The following COLEC10 variants were observed in gnomAD, a reference collection of about 807,000 sequenced individuals.
The protein encoded by COLEC10 is collectin-10.
COLEC10 carries 22 observed loss-of-function variants against 28.4 expected under a neutral mutation model. That is an observed-to-expected ratio of 0.78 (90% CI 0.55 to 1.11). The LOEUF (loss-of-function observed/expected upper bound fraction) is 1.11. COLEC10 is among the 50% of genes least tolerant of loss of function. The pLI is 0.00. For missense variants in COLEC10, 361 were observed against 344.1 expected (o/e 1.05, Z -0.39); for synonymous variants, 125 against 116.1 (o/e 1.08, Z -0.49).
rs182757123 is a variant in COLEC10, at chr8:119,001,307, A to G, written n.122+5734A>G. On this transcript the variant is annotated intron_variant and non_coding_transcript_variant, in intron 1 of 6. Transcript: ENST00000521788. ...CAAAAGGCTGGTATTTTGGCTGGTGATCAAGAAAATGGTGTTCTGAAGCAA... is the reference window on the plus strand; with the variant it reads ...CAAAAGGCTGGTATTTTGGCTGGTGGTCAAGAAAATGGTGTTCTGAAGCAA... 2.3e-3 allele frequency among the ~76,000 whole-genome samples: 352 copies of G among 152,282 alleles called. 8 individuals are homozygous for G. Among genetic ancestry groups the G allele is most frequent in the Admixed American group, 0.022 (333 of 15,286 alleles).
chr8:119,012,334 T>C (rs1012024135), intron 2 of COLEC10, among the ~76,000 whole-genome samples: 3 of 150,710 alleles, frequency 2.0e-5, no homozygotes, highest in African/African-American at 7.4e-5. Context: ...GGTTATGGTG[T>C]ATCATTCTTT....
intron 2 of COLEC10, among the ~76,000 whole-genome samples, chr8:119,049,991 G>A (rs16891910): frequency 6.6e-6 from 1 of 152,110 alleles, no homozygotes; most frequent in Non-Finnish European, 1.5e-5. Flanking sequence ...GAAGTTGATT[G>A]CCTGTTCTCA....
intron 2 of COLEC10, 70 bp downstream of exon 2, chr8:119,089,821 C>G (rs1815553873): frequency 7.6e-7 from 1 of 1,321,444 alleles, no homozygotes; most frequent in Non-Finnish European, 1.1e-6. Flanking sequence ...GGCCCTTGCC[C>G]TGGAAATTAG....
At chr8:119,031,479 C>T (rs1814286797) in intron 2 of COLEC10, among the ~76,000 whole-genome samples, 1 of 152,166 alleles carries the variant, frequency 6.6e-6, no homozygotes, top group Non-Finnish European at 1.5e-5. Context: ...GGTGGTAGAA[C>T]CTGGGCTGAG....
intron 2 of COLEC10, among the ~76,000 whole-genome samples, chr8:119,027,371 C>G (rs1458932571): frequency 6.6e-6 from 1 of 152,158 alleles, no homozygotes; most frequent in African/African-American, 2.4e-5. Flanking sequence ...CCTCTCTAGT[C>G]TCAATGATAT....
At chr8:118,958,916 C>A in the COLEC10 span, among the ~76,000 whole-genome samples, 3 of 152,204 alleles carry the variant, frequency 2.0e-5, no homozygotes, top group East Asian at 5.8e-4. Flanking sequence ...GTACCCTCAA[C>A]AGCTCAGATC....
chr8:119,071,517 A>T (rs1815125207), intron 1 of COLEC10, among the ~76,000 whole-genome samples: 1 of 152,140 alleles, frequency 6.6e-6, no homozygotes, highest in Non-Finnish European at 1.5e-5. Flanking sequence ...CTTCCCAAGG[A>T]TAGTTCCTTC....
At chr8:119,025,967 C>A (rs1189090309) in intron 2 of COLEC10, among the ~76,000 whole-genome samples, 2 of 152,132 alleles carry the variant, frequency 1.3e-5, no homozygotes, top group Non-Finnish European at 2.9e-5. Flanking sequence ...TTCCTATCAC[C>A]AAAGCCGTTG....
At chr8:119,008,444 C>T (rs1301052549) in intron 1 of COLEC10, among the ~76,000 whole-genome samples, 2 of 149,738 alleles carry the variant, frequency 1.3e-5, no homozygotes, top group Non-Finnish European at 2.9e-5. Flanking sequence ...TCTAAGTTGA[C>T]AGAATCATCA....
At chr8:119,020,012 C>T (rs1247069269) in intron 2 of COLEC10, among the ~76,000 whole-genome samples, 1 of 152,212 alleles carries the variant, frequency 6.6e-6, no homozygotes, top group African/African-American at 2.4e-5. Flanking sequence ...AGGTCCAGAT[C>T]ATGCATCGTC....
rs1170327377 is a variant in COLEC10 at position 119,076,195 on chromosome 8, G to C, written c.148+8766G>C. Among the ~76,000 whole-genome samples the C allele has an allele frequency of 6.0e-5, 9 of 150,358 alleles. No individual in the cohort carries two copies. In the East Asian group the frequency reaches 1.4e-3, roughly 23 times the overall value. ...CAAAGTGCTGGGATTACAGGAGTGA[G>C]CCACCACATCCAGCCAATCAGCCAT... On this transcript the variant is annotated intron_variant, in intron 1 of 5. Transcript: ENST00000332843.
chr8:119,082,420 G>T (rs60500791), intron 1 of COLEC10, among the ~76,000 whole-genome samples: 2,694 of 152,232 alleles, frequency 0.018, 71 homozygotes, highest in African/African-American at 0.061. Flanking sequence ...CTTTTATTTT[G>T]AAAACAATTA....
intron 2 of COLEC10, among the ~76,000 whole-genome samples, chr8:119,022,986 T>G (rs1222341412): frequency 1.3e-5 from 2 of 152,088 alleles, no homozygotes; most frequent in Non-Finnish European, 2.9e-5. Context: ...TTGGAGAGTC[T>G]TTGCACTGCT....
the COLEC10 span, among the ~76,000 whole-genome samples, chr8:118,966,765 C>T: frequency 6.6e-6 from 1 of 151,990 alleles, no homozygotes; most frequent in Non-Finnish European, 1.5e-5. Context: ...TACTCTTCAG[C>T]TCCACTTCAT....
At chr8:118,966,288 A>C in the COLEC10 span, among the ~76,000 whole-genome samples, 14 of 152,326 alleles carry the variant, frequency 9.2e-5, no homozygotes, top group Non-Finnish European at 1.6e-4. Flanking sequence ...TAAAAAATCA[A>C]CTATATACAA....
In COLEC10 at chr8:119,013,909, T is replaced by C. The variant is rs566056258; in HGVS notation, n.235+4356T>C. Among the ~76,000 whole-genome samples the C allele has an allele frequency of 4.6e-5, 7 of 150,860 alleles. No homozygotes were observed. The South Asian group carries it at 1.4e-3, about 31-fold the overall frequency. Reference sequence around the variant, plus strand: ...ACTTACAACTAATCCAAGCCCATTTTAAAGCAATAATGTATTGTTTCACAC... The same window carrying C: ...ACTTACAACTAATCCAAGCCCATTTCAAAGCAATAATGTATTGTTTCACAC... On this transcript the variant is annotated intron_variant and non_coding_transcript_variant, in intron 2 of 6. Coordinates refer to the COLEC10 transcript ENST00000521788.
chr8:119,046,448 A>C (rs1220974057), intron 2 of COLEC10, among the ~76,000 whole-genome samples: 1 of 152,192 alleles, frequency 6.6e-6, no homozygotes, highest in African/African-American at 2.4e-5. Flanking sequence ...CTCTTGCAGT[A>C]AGACTATGAT....
At chr8:119,091,114 C>T (rs1180901938) in intron 2 of COLEC10, 35 bp from the exon 3 acceptor site, 9 of 1,549,504 alleles carry the variant, frequency 5.8e-6, no homozygotes, top group Non-Finnish European at 8.0e-6. Context: ...GAAGATAAAA[C>T]CTTATGATAA....
intron 1 of COLEC10, among the ~76,000 whole-genome samples, chr8:118,995,755 A>G (rs1401281998): frequency 6.6e-6 from 1 of 152,194 alleles, no homozygotes; most frequent in African/African-American, 2.4e-5. Flanking sequence ...TCATATTGCT[A>G]TGTAATGCTA....
Sources: gnomAD v4.1 joint callset for allele counts (sites outside exome capture counted in the v4.1 genomes callset) on GRCh38, gnomAD v4.1.1 for gene constraint, MANE v1.5 for transcripts, NCBI Gene and HGNC (gene_info 2026-07-23, HGNC 2026-07-21) for gene names.